Variants in PRPS1 observed in about 807,000 individuals in gnomAD.
The protein encoded by PRPS1 is ribose-phosphate pyrophosphokinase 1.
In PRPS1, 1 loss-of-function variant was observed where a neutral mutation model predicts 16.9. The observed-to-expected ratio is 0.06, with a 90% CI of 0.02 to 0.28. The LOEUF (loss-of-function observed/expected upper bound fraction) is 0.28. Ranked by LOEUF, PRPS1 falls within the 10% of genes least tolerant of loss-of-function variation. PRPS1 has a pLI of 1.00. For synonymous variants in PRPS1, 70 were observed against 90.2 expected (o/e 0.78, Z 1.27); for missense variants, 47 against 254.0 (o/e 0.19, Z 5.54).
At chrX:107,648,027 C>G (rs912447360) in intron 6 of PRPS1, among the ~76,000 whole-genome samples, 27 of 111,232 alleles carry the variant, frequency 2.4e-4, no homozygotes, top group African/African-American at 8.5e-4. Context: ...AAGATGGAGC[C>G]TAAGATTCTA....
In PRPS1 at chrX:107,638,954, C is replaced by T. The variant is rs777255715; in HGVS notation, c.123-341C>T. Among the ~76,000 whole-genome samples the T allele has an allele frequency of 3.0e-3, 331 of 110,335 alleles. 3 individuals carry two copies. The highest frequency in any genetic ancestry group is 0.01 in the African/African-American group (313 of 30,362). ...TTCGCCATGTTGGCCAGGCTGGTCT[C>T]GAACTCCTGACTTCAAGTGATCCAC... On this transcript the variant is annotated intron_variant, in intron 1 of 6. Coordinates refer to ENST00000372435, the MANE Select transcript of PRPS1 (RefSeq NM_002764.4).
In PRPS1 at chrX:107,650,460, C is replaced by G. The variant is rs1450226643; in HGVS notation, c.*428C>G. 6.1e-6 allele frequency: 2 copies of G among 326,072 alleles called. No homozygotes were observed. Among genetic ancestry groups the G allele is most frequent in the Non-Finnish European group, 1.0e-5 (2 of 192,180 alleles). 26.9% of individuals were successfully genotyped at this position (326,072 alleles called of 1,213,427 possible). Reference sequence around the variant, plus strand: ...CCCCAAGGTCTATGCTAAATTATAGCAAGAGCCCTGGGCAACCCCAAACCT... The same window carrying G: ...CCCCAAGGTCTATGCTAAATTATAGGAAGAGCCCTGGGCAACCCCAAACCT... On this transcript the variant is annotated 3_prime_UTR_variant, in exon 7 of 7. Transcript: ENST00000372435.
intron 2 of PRPS1, 129 bp downstream of exon 2, chrX:107,639,607 C>G: frequency 1.5e-6 from 1 of 664,181 alleles, no homozygotes; most frequent in East Asian, 3.5e-5. Flanking sequence ...TAGGTATTAC[C>G]CTATCTTCAA....
At chrX:107,629,923 A>AGAATATTTC (rs1925271469) in intron 1 of PRPS1, 1 of 112,700 alleles carries the variant, frequency 8.9e-6, no homozygotes, top group Non-Finnish European at 1.9e-5. Context: ...TAATCAGATA[A>AGAATATTTC]GAATATTTCG....
At chrX:107,632,192 A>G (rs1212327431) in intron 1 of PRPS1, among the ~76,000 whole-genome samples, 3 of 112,164 alleles carry the variant, frequency 2.7e-5, no homozygotes, top group Non-Finnish European at 5.6e-5. Flanking sequence ...TGCTGACAAG[A>G]TCTCTCACCT....
intron 5 of PRPS1, 70 bp downstream of exon 5, chrX:107,645,420 C>G: frequency 8.7e-7 from 1 of 1,152,890 alleles, no homozygotes; most frequent in Non-Finnish European, 1.2e-6. Flanking sequence ...ATGTCTTCAG[C>G]CTGCTGATTC....
At position 107,650,112 on chromosome X, in the gene PRPS1, A is replaced by C; in HGVS notation, c.*80A>C. On this transcript the variant is annotated 3_prime_UTR_variant, in exon 7 of 7. Coordinates refer to ENST00000372435, the MANE Select transcript of PRPS1 (RefSeq NM_002764.4). Reference sequence around the variant, plus strand: ...CTTGGTATTTGATGACAAATTCAGCAGAAGACCCGGCTTGCTCCAGTGTAG... The same window carrying C: ...CTTGGTATTTGATGACAAATTCAGCCGAAGACCCGGCTTGCTCCAGTGTAG... 1.7e-6 allele frequency: 2 copies of C among 1,203,470 alleles called. No homozygotes were observed. The highest frequency in any genetic ancestry group is 1.1e-6 in the Non-Finnish European group (1 of 891,186).
At chrX:107,639,515 A>G in intron 2 of PRPS1, 37 bp downstream of exon 2, 1 of 1,178,412 alleles carries the variant, frequency 8.5e-7, no homozygotes, top group African/African-American at 1.7e-5. Flanking sequence ...CAGAGGAAGC[A>G]GGAGCACTTG....
At chrX:107,637,880 G>A (rs1925475676) in intron 1 of PRPS1, among the ~76,000 whole-genome samples, 1 of 108,165 alleles carries the variant, frequency 9.2e-6, no homozygotes, top group Admixed American at 1.0e-4. Context: ...AGTATCCACA[G>A]GGGATTGGTC....
At chrX:107,641,191 C>T in intron 3 of PRPS1, 191 bp downstream of exon 3, 3 of 1,103,649 alleles carry the variant, frequency 2.7e-6, no homozygotes, top group Non-Finnish European at 2.4e-6. Context: ...GATAGGGAGG[C>T]AGTCTAGTTT....
At chrX:107,644,554 C>T (rs1476355815) in intron 4 of PRPS1, among the ~76,000 whole-genome samples, 2 of 111,898 alleles carry the variant, frequency 1.8e-5, no homozygotes, top group African/African-American at 3.3e-5. Flanking sequence ...AATAAACTTG[C>T]GTGTCTTAGC....
At chrX:107,645,095 T>G in intron 4 of PRPS1, 82 bp from the exon 5 acceptor site, 1 of 1,118,092 alleles carries the variant, frequency 8.9e-7, no homozygotes, top group Non-Finnish European at 1.2e-6. Flanking sequence ...ATTACAGGCG[T>G]GAGCCACCGC....
chrX:107,644,414 T>A (rs2147684183), intron 4 of PRPS1, among the ~76,000 whole-genome samples: 1 of 111,823 alleles, frequency 8.9e-6, no homozygotes, highest in East Asian at 2.8e-4. Context: ...ATGCTGCTCC[T>A]CTCCTGCCAG....
intron 5 of PRPS1, among the ~76,000 whole-genome samples, chrX:107,646,173 G>A (rs1309223748): frequency 9.0e-6 from 1 of 111,393 alleles, no homozygotes; most frequent in Admixed American, 9.6e-5. Context: ...TACAATTACG[G>A]CTCACTGCAG....
At chrX:107,633,874 C>T (rs1007086881) in intron 1 of PRPS1, among the ~76,000 whole-genome samples, 2 of 111,329 alleles carry the variant, frequency 1.8e-5, no homozygotes, top group Non-Finnish European at 3.8e-5. Flanking sequence ...TTGCAGTGAG[C>T]AGAGATCACA....
At chrX:107,648,509 T>C (rs1026953462) in intron 6 of PRPS1, among the ~76,000 whole-genome samples, 1 of 107,982 alleles carries the variant, frequency 9.3e-6, no homozygotes, top group African/African-American at 3.4e-5. Context: ...GCCTCAACTT[T>C]GAAGGCTCAG....
At chrX:107,638,595 AT>A (rs1283213792) in intron 1 of PRPS1, among the ~76,000 whole-genome samples, 2 of 110,669 alleles carry the variant, frequency 1.8e-5, no homozygotes, top group African/African-American at 6.6e-5. Context: ...TTATTTATTT[AT>A]TTTTTGTAGA....
At chrX:107,635,127 C>T (rs1378917649) in intron 1 of PRPS1, among the ~76,000 whole-genome samples, 1 of 110,621 alleles carries the variant, frequency 9.0e-6, no homozygotes, top group Non-Finnish European at 1.9e-5. Context: ...AGGCGTGAGC[C>T]ACCGTGCCCA....
At chrX:107,637,405 T>C (rs1925465444) in intron 1 of PRPS1, among the ~76,000 whole-genome samples, 1 of 111,583 alleles carries the variant, frequency 9.0e-6, no homozygotes, top group Non-Finnish European at 1.9e-5. Flanking sequence ...GTAGAGGTGG[T>C]ACTGTCTTTT....
Sources: gnomAD v4.1 joint callset for allele counts (sites outside exome capture counted in the v4.1 genomes callset) on GRCh38, gnomAD v4.1.1 for gene constraint, MANE v1.5 for transcripts, NCBI Gene and HGNC (gene_info 2026-07-23, HGNC 2026-07-21) for gene names.